The following ALDH1L2 variants were observed in gnomAD, a reference collection of about 807,000 sequenced individuals.
ALDH1L2 encodes mitochondrial 10-formyltetrahydrofolate dehydrogenase.
In ALDH1L2, 91 loss-of-function variants were observed where a neutral mutation model predicts 111.0. That is an observed-to-expected ratio of 0.82 (90% confidence interval 0.69 to 0.98). The LOEUF (loss-of-function observed/expected upper bound fraction) is 0.98, where lower values mean the gene tolerates loss of function less well. Ranked by LOEUF, ALDH1L2 falls within the 50% of genes least tolerant of loss-of-function variation. ALDH1L2 has a pLI of 0.00. For synonymous variants in ALDH1L2, 374 were observed against 392.6 expected (o/e 0.95, Z 0.56); for missense variants, 995 against 1,126.8 (o/e 0.88, Z 1.67).
chr12:105,030,405 A>C lies in ALDH1L2; in HGVS notation c.2435T>G (p.Phe812Cys). 1 of 1,610,408 alleles carries C rather than the reference A, an allele frequency of 6.2e-7. No homozygotes were observed. Reference protein sequence around the residue: ...RPGFFMEPTVFTDVEDYMYLA... With the variant: ...RPGFFMEPTVCTDVEDYMYLA... ...GTACATGTAGTCTTCCACATCTGTG[A>C]ACACGGTCGGCTCCATGAAAAAGCC... is the stretch of plus-strand genomic sequence containing the variant. Residue 812 changes from phenylalanine to cysteine, a missense_variant, in exon 21 of 23, where the codon TTC becomes TGC. Coordinates refer to ENST00000258494, the MANE Select transcript of ALDH1L2 (RefSeq NM_001034173.4).
intron 1 of ALDH1L2, among the ~76,000 whole-genome samples, chr12:105,080,192 T>G (rs191314196): frequency 6.6e-6 from 1 of 152,308 alleles, no homozygotes; most frequent in East Asian, 1.9e-4. Context: ...TAAATTTAAT[T>G]TAAATATGTA....
intron 4 of ALDH1L2, among the ~76,000 whole-genome samples, chr12:105,067,232 AAAAG>A (rs1877422625): frequency 6.7e-6 from 1 of 149,464 alleles, no homozygotes; most frequent in Non-Finnish European, 1.5e-5. Flanking sequence ...AAAAAAAAAA[AAAAG>A]AAAAGAAAAA....
chr12:105,040,922 G>C (rs1394987253), intron 15 of ALDH1L2, among the ~76,000 whole-genome samples: 3 of 151,998 alleles, frequency 2.0e-5, no homozygotes, highest in Non-Finnish European at 4.4e-5. Context: ...TACTGCATTT[G>C]CTTTATCTTT....
intron 5 of ALDH1L2, among the ~76,000 whole-genome samples, chr12:105,066,348 T>C (rs1424228417): frequency 2.0e-5 from 3 of 152,186 alleles, no homozygotes; most frequent in Non-Finnish European, 2.9e-5. Flanking sequence ...ATACTATTAA[T>C]ATGCAAATTT....
chr12:105,045,940 A>G (rs1875819586), intron 15 of ALDH1L2, among the ~76,000 whole-genome samples: 1 of 151,930 alleles, frequency 6.6e-6, no homozygotes, highest in Admixed American at 6.6e-5. Flanking sequence ...TTTTTCTTCT[A>G]ATTTTACATA....
intron 17 of ALDH1L2, 79 bp from the exon 18 acceptor site, chr12:105,038,281 C>CACAA: frequency 5.0e-4 from 17 of 33,772 alleles, no homozygotes; most frequent in Middle Eastern, 0.012. Context: ...CACACACAAA[C>CACAA]ACACACACAC....
intron 19 of ALDH1L2, 116 bp from the exon 20 acceptor site, chr12:105,032,050 A>C: frequency 9.0e-7 from 1 of 1,106,404 alleles, no homozygotes; most frequent in Non-Finnish European, 1.3e-6. Context: ...TAGTCTTTAC[A>C]ATAGCACCGG....
At chr12:105,030,577 A>G (rs1293845438) in intron 20 of ALDH1L2, 148 bp from the exon 21 acceptor site, 1 of 532,006 alleles carries the variant, frequency 1.9e-6, no homozygotes, top group Non-Finnish European at 3.1e-6. Flanking sequence ...TGGTGTTGGC[A>G]TGCCCAGGTT....
intron 21 of ALDH1L2, 51 bp from the exon 22 acceptor site, chr12:105,026,795 C>T: frequency 6.3e-7 from 1 of 1,590,846 alleles, no homozygotes; most frequent in South Asian, 1.1e-5. Context: ...GCAAAAGACT[C>T]ATTTTATGTT....
At chr12:105,049,415 C>A (rs563493093) in intron 13 of ALDH1L2, among the ~76,000 whole-genome samples, 1 of 152,106 alleles carries the variant, frequency 6.6e-6, no homozygotes, top group Non-Finnish European at 1.5e-5. Context: ...ATAACCATTG[C>A]GAGGGTCTGA....
At chr12:105,066,098 G>A (rs1477084574) in intron 5 of ALDH1L2, among the ~76,000 whole-genome samples, 4 of 152,186 alleles carry the variant, frequency 2.6e-5, no homozygotes, top group Admixed American at 2.6e-4. Flanking sequence ...ACAGGCATGA[G>A]CCACTGTGCC....
At chr12:105,052,770 T>C (rs746005330) in intron 11 of ALDH1L2, 42 bp downstream of exon 11, 2 of 1,610,724 alleles carry the variant, frequency 1.2e-6, no homozygotes, top group African/African-American at 2.7e-5. Context: ...TAACTAAAAA[T>C]CCATGACCAG....
chr12:105,059,531 G>A (rs998209162), intron 9 of ALDH1L2, among the ~76,000 whole-genome samples: 1 of 152,102 alleles, frequency 6.6e-6, no homozygotes, highest in Non-Finnish European at 1.5e-5. Flanking sequence ...ATTTAGTTAA[G>A]CCAATTAGAA....
At chr12:105,080,705 C>T (rs969719109) in intron 1 of ALDH1L2, among the ~76,000 whole-genome samples, 9 of 152,170 alleles carry the variant, frequency 5.9e-5, no homozygotes, top group Admixed American at 1.3e-4. Flanking sequence ...ACCATTGGAG[C>T]ATCCCAAATC....
rs1285941360 is a variant in ALDH1L2 at position 105,058,056 on chromosome 12, A to G, written c.1287+17T>C. On this transcript the variant is annotated intron_variant, in intron 10 of 22. Transcript: ENST00000258494. ...GATCTCACTGATTTAGGGTTGCAAC[A>G]TCAAGGAAAAGCTTACATAATCTAC... 2 of 1,607,782 alleles carry G rather than the reference A, an allele frequency of 1.2e-6. No individual in the cohort carries two copies. The highest frequency in any genetic ancestry group is 1.7e-5 in the Admixed American group (1 of 58,642).
chr12:105,051,691 A>C (rs992724970), intron 12 of ALDH1L2, among the ~76,000 whole-genome samples: 1 of 152,226 alleles, frequency 6.6e-6, no homozygotes, highest in African/African-American at 2.4e-5. Context: ...ATTTCATATT[A>C]GGTGAATACT....
Position 105,068,585 on chromosome 12 carries a change from T to C in ALDH1L2, c.594+134A>G, listed in dbSNP as rs1286766576. Reference sequence around the variant, plus strand: ...CATCCTAAATATACCATCCCATTAGTTAAAAAAAATCTAATTTTGTTTTTA... The same window carrying C: ...CATCCTAAATATACCATCCCATTAGCTAAAAAAAATCTAATTTTGTTTTTA... On this transcript the variant is annotated intron_variant, in intron 4 of 22. Transcript: ENST00000258494. 1.6e-5 allele frequency: 15 copies of C among 948,286 alleles called. No individual in the cohort carries two copies. In the East Asian group the frequency reaches 4.1e-4, roughly 26 times the overall value. 58.7% of individuals were successfully genotyped at this position (948,286 alleles called of 1,614,324 possible).
chr12:105,083,630 T>C lies in ALDH1L2; in HGVS notation c.48+759A>G, dbSNP rs75385551. ...ACATAAGACAGTTTTTATTTTTTTT[T>C]TTTCTCTCTCTCTCTTCCCTAAACA... On this transcript the variant is annotated intron_variant, in intron 1 of 22. Coordinates refer to ENST00000258494, the MANE Select transcript of ALDH1L2 (RefSeq NM_001034173.4). 5.0e-3 allele frequency among the ~76,000 whole-genome samples: 734 copies of C among 148,264 alleles called. 8 individuals are homozygous for C. The highest frequency in any genetic ancestry group is 0.015 in the African/African-American group (589 of 38,770).
chr12:105,069,805 G>A (rs10459164), intron 3 of ALDH1L2, among the ~76,000 whole-genome samples: 21,325 of 152,140 alleles, frequency 0.14, 1,670 homozygotes, highest in East Asian at 0.23. Context: ...ACAGTATTGT[G>A]TCCCTATGGT....
Sources: allele counts gnomAD v4.1 joint callset (sites outside exome capture counted in the v4.1 genomes callset), GRCh38; gene constraint gnomAD v4.1.1; transcripts MANE v1.5; gene names NCBI Gene and HGNC (gene_info 2026-07-23, HGNC 2026-07-21).